The following ICA1 variants were observed in gnomAD, a reference collection of about 807,000 sequenced individuals.
ICA1 encodes the protein islet cell autoantigen 1, also known as 69 kDa islet cell autoantigen.
Under a neutral mutation model 71.0 loss-of-function variants are expected in ICA1, and 40 were observed. That is an observed-to-expected ratio of 0.56 (90% CI 0.44 to 0.73). ICA1 has a LOEUF of 0.73. ICA1 is among the 30% of genes least tolerant of loss of function. ICA1 has a pLI of 0.00. For synonymous variants in ICA1, 207 were observed against 209.5 expected, an observed-to-expected ratio of 0.99 and a Z score of 0.10; for missense variants, 578 against 576.5, an observed-to-expected ratio of 1.00 and a Z score of -0.03.
At chr7:8,224,122 A>C (rs1797899918) in intron 4 of ICA1, among the ~76,000 whole-genome samples, 1 of 152,184 alleles carries the variant, frequency 6.6e-6, no homozygotes. Flanking sequence ...CACAAAAAAG[A>C]AAAATACCAG....
At chr7:8,218,260 C>T (rs1291654057) in intron 6 of ICA1, 45 bp downstream of exon 6, 19 of 1,547,296 alleles carry the variant, frequency 1.2e-5, no homozygotes, top group Non-Finnish European at 1.6e-5. Context: ...ACCTCATTAC[C>T]TTCCAGCAGG....
At chr7:8,146,452 G>A (rs1412722517) in intron 8 of ICA1, among the ~76,000 whole-genome samples, 1 of 152,074 alleles carries the variant, frequency 6.6e-6, no homozygotes, top group African/African-American at 2.4e-5. Context: ...GGTCAGCAGG[G>A]GTCACATGGG....
intron 6 of ICA1, among the ~76,000 whole-genome samples, chr7:8,167,529 A>T (rs1806492108): frequency 6.6e-6 from 1 of 152,166 alleles, no homozygotes; most frequent in Non-Finnish European, 1.5e-5. Context: ...ATCAGCTACT[A>T]TGCTTATTTC....
At chr7:8,139,213 T>C (rs1794396107) in intron 10 of ICA1, among the ~76,000 whole-genome samples, 166 bp from the exon 11 acceptor site, 1 of 152,204 alleles carries the variant, frequency 6.6e-6, no homozygotes, top group Non-Finnish European at 1.5e-5. Flanking sequence ...CTATCAGCTC[T>C]CAGAGAATGC....
chr7:8,253,534 G>A (rs1808935473), intron 1 of ICA1, among the ~76,000 whole-genome samples: 1 of 151,862 alleles, frequency 6.6e-6, no homozygotes, highest in African/African-American at 2.4e-5. Context: ...TAAAGAAAAT[G>A]GGTTTGGACT....
At chr7:8,216,955 C>G (rs1048788909) in intron 6 of ICA1, among the ~76,000 whole-genome samples, 16 of 152,250 alleles carry the variant, frequency 1.1e-4, no homozygotes, top group African/African-American at 3.9e-4. Flanking sequence ...TCATTCTCCT[C>G]AACCCTCAAA....
intron 6 of ICA1, among the ~76,000 whole-genome samples, chr7:8,196,661 T>A (rs1787695747): frequency 6.6e-6 from 1 of 152,150 alleles, no homozygotes; most frequent in South Asian, 2.1e-4. Context: ...AAACTCTGTA[T>A]CTTTCAATTT....
rs767023451 is a variant in ICA1, at chr7:8,143,980, AC to A, written c.805-9del. The A allele has an allele frequency of 7.1e-7, 1 of 1,417,212 alleles. No homozygotes were observed. Among genetic ancestry groups the A allele is most frequent in the Non-Finnish European group, 9.9e-7 (1 of 1,013,066 alleles). 87.8% of individuals were successfully genotyped at this position (1,417,212 alleles called of 1,614,324 possible). On this transcript the variant is annotated splice_polypyrimidine_tract_variant and intron_variant, in intron 8 of 13. Coordinates refer to ENST00000402384, the MANE Select transcript of ICA1 (RefSeq NM_001136020.3). Reference sequence around the variant, plus strand: ...CATAGGGTCTTGTAAGCTCTTGATCACGAGCCATAGAAAAATGAAAAAGAAA... The same window carrying A: ...CATAGGGTCTTGTAAGCTCTTGATCAGAGCCATAGAAAAATGAAAAAGAAA...
chr7:8,155,531 C>G (rs182130077), intron 8 of ICA1, among the ~76,000 whole-genome samples: 194 of 152,224 alleles, frequency 1.3e-3, no homozygotes, highest in South Asian at 5.8e-3. Context: ...GCAACTAACT[C>G]ATGCCTGAAG....
intron 1 of ICA1, among the ~76,000 whole-genome samples, chr7:8,242,558 C>T (rs1229638518): frequency 6.6e-6 from 1 of 152,112 alleles, no homozygotes; most frequent in African/African-American, 2.4e-5. Flanking sequence ...CAAGAAATAA[C>T]TAAGATCAGA....
intron 6 of ICA1, among the ~76,000 whole-genome samples, chr7:8,186,077 G>C (rs1024680894): frequency 6.6e-6 from 1 of 152,210 alleles, no homozygotes; most frequent in Admixed American, 6.5e-5. Flanking sequence ...AGTTTTGAAA[G>C]AGTGGAGGAA....
At chr7:8,257,961 G>C (rs1163826276) in intron 1 of ICA1, among the ~76,000 whole-genome samples, 1 of 152,056 alleles carries the variant, frequency 6.6e-6, no homozygotes, top group Non-Finnish European at 1.5e-5. Context: ...ACATGGTTGG[G>C]AGTGGGGAAC....
chr7:8,257,687 GT>G (rs1251946198), intron 1 of ICA1, among the ~76,000 whole-genome samples: 3 of 152,102 alleles, frequency 2.0e-5, no homozygotes, highest in Non-Finnish European at 2.9e-5. Context: ...ACTCTGCAAT[GT>G]TCTCTGATTC....
chr7:8,189,745 C>G (rs1182633319), intron 6 of ICA1, among the ~76,000 whole-genome samples: 1 of 151,794 alleles, frequency 6.6e-6, no homozygotes, highest in Non-Finnish European at 1.5e-5. Context: ...AGGCAGCGCT[C>G]CCTTGAGCAG....
intron 12 of ICA1, among the ~76,000 whole-genome samples, chr7:8,135,161 G>A (rs1022721417): frequency 6.6e-6 from 1 of 152,004 alleles, no homozygotes; most frequent in African/African-American, 2.4e-5. Context: ...AGAGTAGCTG[G>A]GATTACAGAT....
intron 8 of ICA1, among the ~76,000 whole-genome samples, chr7:8,151,858 A>G (rs1207199890): frequency 6.6e-6 from 1 of 152,238 alleles, no homozygotes; most frequent in East Asian, 1.9e-4. Flanking sequence ...GCTAAGACCT[A>G]CACCCCAAGA....
chr7:8,178,096 T>C (rs1479922869), intron 6 of ICA1, among the ~76,000 whole-genome samples: 1 of 152,212 alleles, frequency 6.6e-6, no homozygotes, highest in African/African-American at 2.4e-5. Context: ...CTATCTACAA[T>C]CTTCCAGCTC....
At chr7:8,170,706 T>C (rs1808005643) in intron 6 of ICA1, among the ~76,000 whole-genome samples, 1 of 152,040 alleles carries the variant, frequency 6.6e-6, no homozygotes, top group Non-Finnish European at 1.5e-5. Context: ...TTAAAAGTTC[T>C]TTTGGAGATT....
intron 8 of ICA1, among the ~76,000 whole-genome samples, chr7:8,152,427 C>G (rs867621582): frequency 2.6e-5 from 4 of 151,872 alleles, no homozygotes; most frequent in African/African-American, 7.3e-5. Context: ...ATTACTGGAG[C>G]CTTTACCGTG....
Sources: allele counts gnomAD v4.1 joint callset (sites outside exome capture counted in the v4.1 genomes callset), GRCh38; gene constraint gnomAD v4.1.1; transcripts MANE v1.5; gene names NCBI Gene and HGNC (gene_info 2026-07-23, HGNC 2026-07-21).